The following ABCC9 variants were observed in gnomAD, a reference collection of about 807,000 sequenced individuals.
ABCC9 encodes the protein ATP binding cassette subfamily C member 9, also known as ATP-binding cassette sub-family C member 9.
In ABCC9, 95 loss-of-function variants were observed where a neutral mutation model predicts 188.3. The observed-to-expected ratio is 0.50, with a 90% confidence interval of 0.43 to 0.60. ABCC9 has a LOEUF of 0.60. ABCC9 is among the 20% of genes least tolerant of loss of function. ABCC9 has a pLI of 0.00. For missense variants in ABCC9, 1,102 were observed against 1,876.3 expected (o/e 0.59, Z 7.62); for synonymous variants, 659 against 652.7 (o/e 1.01, Z -0.15).
rs146747782 is a variant in ABCC9, at chr12:21,800,834, G to A, written c.*210C>T. 3.4e-3 allele frequency: 1,928 copies of A among 575,288 alleles called. 7 individuals are homozygous for A. The highest frequency in any genetic ancestry group is 0.011 in the South Asian group (546 of 48,198). The allele number at this position is 575,288 out of a possible 1,614,324, so 35.6% of individuals were successfully genotyped here. On this transcript the variant is annotated 3_prime_UTR_variant, in exon 40 of 40. Coordinates refer to ENST00000261200, the MANE Select transcript of ABCC9 (RefSeq NM_020297.4). ...CCTAGCTATTCTTAAAGCTAGAGTG[G>A]CTGGATCACTATAAAAACATCAATA...
chr12:21,894,958 A>T (rs2137745297), intron 13 of ABCC9, among the ~76,000 whole-genome samples: 1 of 152,336 alleles, frequency 6.6e-6, no homozygotes, highest in Non-Finnish European at 1.5e-5. Flanking sequence ...CAATGTTTGC[A>T]AATGTACCAG....
In ABCC9 at chr12:21,894,032, C is replaced by T; in HGVS notation, c.1802G>A (p.Ser601Asn). 1 of 1,613,864 alleles carries T rather than the reference C, an allele frequency of 6.2e-7. No individual in the cohort carries two copies. Among genetic ancestry groups the T allele is most frequent in the Non-Finnish European group, 8.5e-7 (1 of 1,179,954 alleles). Residue 601 changes from serine (S) to asparagine (N), a missense_variant and splice_region_variant, in exon 14 of 40, where the codon AGT becomes AAT. By Grantham distance (46) the Ser-to-Asn change is conservative. This residue lies in a region of ABCC9 where 258 missense variants were observed against 325.6 expected (regional missense o/e 0.79). Transcript: ENST00000261200. ...VVRFAVKAII[S>N]VQKLNEFLLS... The stretch of plus-strand genomic sequence containing the variant: ...AAATGCCAGACACTTCAGTGCATAC[C>T]TTATGATGGCTTTGACTGCAAATCT...
At chr12:21,806,518 T>A (rs1009724093) in intron 38 of ABCC9, among the ~76,000 whole-genome samples, 1 of 152,182 alleles carries the variant, frequency 6.6e-6, no homozygotes, top group South Asian at 2.1e-4. Context: ...CACAAAGCAC[T>A]GTTATAATTA....
intron 24 of ABCC9, among the ~76,000 whole-genome samples, chr12:21,849,792 G>A (rs1156464234): frequency 6.6e-6 from 1 of 152,110 alleles, no homozygotes; most frequent in Non-Finnish European, 1.5e-5. Context: ...CAGTAGAGAG[G>A]GAAGTGAGGA....
At chr12:21,818,052 C>G (rs1942772057) in intron 32 of ABCC9, 98 bp downstream of exon 32, 14 of 765,560 alleles carry the variant, frequency 1.8e-5, no homozygotes, top group South Asian at 1.7e-4. Flanking sequence ...TAATTCCCCT[C>G]TCTGTGCTCA....
intron 12 of ABCC9, among the ~76,000 whole-genome samples, chr12:21,905,283 A>AGG (rs1440095221): frequency 6.6e-6 from 1 of 151,958 alleles, no homozygotes; most frequent in African/African-American, 2.4e-5. Context: ...GGGAGAGGGG[A>AGG]GGGATAGCAT....
intron 38 of ABCC9, among the ~76,000 whole-genome samples, chr12:21,806,798 C>T (rs1941880215): frequency 6.6e-6 from 1 of 152,148 alleles, no homozygotes; most frequent in African/African-American, 2.4e-5. Flanking sequence ...TCAATCACAG[C>T]CTTCTGGACA....
chr12:21,879,051 C>A (rs1227490451), intron 16 of ABCC9, among the ~76,000 whole-genome samples: 1 of 152,168 alleles, frequency 6.6e-6, no homozygotes, highest in Non-Finnish European at 1.5e-5. Flanking sequence ...AAGATGGAGG[C>A]AAGCTCAGTG....
At chr12:21,880,059 G>C (rs74067833) in intron 16 of ABCC9, among the ~76,000 whole-genome samples, 6,489 of 149,484 alleles carry the variant, frequency 0.043, 242 homozygotes, top group African/African-American at 0.1. Flanking sequence ...ATAATACATG[G>C]GGCTAGGCAA....
At chr12:21,916,319 T>G (rs753345344) in intron 6 of ABCC9, among the ~76,000 whole-genome samples, 7 of 152,222 alleles carry the variant, frequency 4.6e-5, no homozygotes, top group Non-Finnish European at 7.3e-5. Flanking sequence ...ACTCTCCACA[T>G]GCATTGCAGC....
At chr12:21,887,113 G>C (rs1946914324) in intron 15 of ABCC9, among the ~76,000 whole-genome samples, 1 of 151,920 alleles carries the variant, frequency 6.6e-6, no homozygotes, top group South Asian at 2.1e-4. Context: ...CTAAGTCTTG[G>C]CACAAAGCAC....
intron 14 of ABCC9, among the ~76,000 whole-genome samples, chr12:21,891,097 A>G (rs1334572603): frequency 6.6e-6 from 1 of 152,166 alleles, no homozygotes; most frequent in Non-Finnish European, 1.5e-5. Context: ...ATAACCCACC[A>G]TACAGTAATT....
chr12:21,903,305 A>C (rs1166952549), intron 12 of ABCC9, among the ~76,000 whole-genome samples: 2 of 152,212 alleles, frequency 1.3e-5, no homozygotes, highest in African/African-American at 4.8e-5. Context: ...TATTTATGAC[A>C]AACCCACAGC....
At chr12:21,833,030 C>T (rs1943862382) in intron 30 of ABCC9, among the ~76,000 whole-genome samples, 1 of 152,078 alleles carries the variant, frequency 6.6e-6, no homozygotes, top group Non-Finnish European at 1.5e-5. Context: ...GAATAGAAAA[C>T]CAAATATCAT....
intron 4 of ABCC9, among the ~76,000 whole-genome samples, chr12:21,931,681 AT>A (rs1029953260): frequency 3.3e-5 from 5 of 152,188 alleles, no homozygotes; most frequent in African/African-American, 1.2e-4. Context: ...TTTCAAAAAA[AT>A]ATTGGATGAT....
At chr12:21,883,355 C>CT (rs1946715148) in intron 15 of ABCC9, among the ~76,000 whole-genome samples, 1 of 152,172 alleles carries the variant, frequency 6.6e-6, no homozygotes, top group African/African-American at 2.4e-5. Flanking sequence ...GTGATAGTGA[C>CT]TAAGTCTCAG....
intron 31 of ABCC9, among the ~76,000 whole-genome samples, chr12:21,826,377 C>T (rs897750291): frequency 3.9e-5 from 6 of 152,130 alleles, no homozygotes; most frequent in African/African-American, 7.2e-5. Flanking sequence ...ATTTTTCTCA[C>T]GCAAGATCCA....
intron 18 of ABCC9, among the ~76,000 whole-genome samples, chr12:21,870,623 T>G (rs1352404340): frequency 2.0e-5 from 3 of 152,218 alleles, no homozygotes; most frequent in African/African-American, 7.2e-5. Flanking sequence ...TCTGTTTTTT[T>G]CCTCACGTTT....
chr12:21,925,459 A>G lies in ABCC9; in HGVS notation c.406+483T>C, dbSNP rs1288651914. On this transcript the variant is annotated intron_variant, in intron 5 of 39. Transcript: ENST00000261200. ...ATGCTAGAAACATACTCTGCTACAT[A>G]GTAATTCTAGTAAAATGTGGCATTC... is the stretch of plus-strand genomic sequence containing the variant. 3 of 702,230 alleles carry G rather than the reference A, an allele frequency of 4.3e-6. No homozygotes were observed. The Admixed American group carries it at 6.0e-5, about 14-fold the overall frequency. 43.5% of individuals were successfully genotyped at this position (702,230 alleles called of 1,614,324 possible).
Sources: allele counts gnomAD v4.1 joint callset (sites outside exome capture counted in the v4.1 genomes callset), GRCh38; gene constraint gnomAD v4.1.1; regional missense constraint gnomAD v4.1.1; transcripts MANE v1.5; gene names NCBI Gene and HGNC (gene_info 2026-07-23, HGNC 2026-07-21).